Variants in HDAC5 observed in about 807,000 individuals in gnomAD.
HDAC5 encodes antigen NY-CO-9.
In HDAC5, 25 loss-of-function variants were observed where a neutral mutation model predicts 133.3. The observed-to-expected ratio is 0.19, with a 90% CI of 0.14 to 0.26. The LOEUF (loss-of-function observed/expected upper bound fraction) is 0.26, where lower values mean the gene tolerates loss of function less well. HDAC5 is among the 10% of genes least tolerant of loss of function. The pLI is 1.00. For synonymous variants in HDAC5, 589 were observed against 610.8 expected, an observed-to-expected ratio of 0.96 and a Z score of 0.53; for missense variants, 1,041 against 1,460.5, an observed-to-expected ratio of 0.71 and a Z score of 4.68.
Position 44,084,626 on chromosome 17 carries a change from G to C in HDAC5, c.2234C>G (p.Ser745Cys), listed in dbSNP as rs573120971. 1 of 1,614,140 alleles carries C rather than the reference G, an allele frequency of 6.2e-7. No individual in the cohort carries two copies. The highest frequency in any genetic ancestry group is 8.5e-7 in the Non-Finnish European group (1 of 1,180,004). Reference sequence around the variant, plus strand: ...CCCATAGAGCAGGGTGTGGTATTCAGAGTGCACTGTCTGGATCTCATCTAG... The same window carrying C: ...CCCATAGAGCAGGGTGTGGTATTCACAGTGCACTGTCTGGATCTCATCTAG... ...ATLDEIQTVH[S>C]EYHTLLYGTS... The change falls in exon 16 of 27, where the codon TCT (serine) becomes TGT (cysteine). Residue 745 changes from serine to cysteine, a missense_variant. By Grantham distance (112) the Ser-to-Cys change is moderately radical. Coordinates refer to ENST00000682912, the MANE Select transcript of HDAC5 (RefSeq NM_005474.5).
chr17:44,116,733 C>T (rs1011366536), intron 2 of HDAC5, among the ~76,000 whole-genome samples: 3 of 152,120 alleles, frequency 2.0e-5, no homozygotes, highest in African/African-American at 7.2e-5. Flanking sequence ...GAGGGTCCAG[C>T]TCAGGCCACT....
intron 1 of HDAC5, among the ~76,000 whole-genome samples, chr17:44,118,422 T>G (rs1039926419): frequency 5.9e-5 from 9 of 152,202 alleles, no homozygotes; most frequent in South Asian, 2.1e-4. Context: ...AAATCCAGCC[T>G]GTGCCCTGCC....
At chr17:44,106,494 G>C (rs565518601) in intron 3 of HDAC5, among the ~76,000 whole-genome samples, 1 of 152,252 alleles carries the variant, frequency 6.6e-6, no homozygotes, top group East Asian at 1.9e-4. Context: ...AGTTGGGGCT[G>C]ACATCTAGCC....
rs753995222 is a variant in HDAC5, at chr17:44,110,796, C to T, written c.27G>A (p.Gly9=). 9 of 1,613,276 alleles carry T rather than the reference C, an allele frequency of 5.6e-6. No individual in the cohort carries two copies. Among genetic ancestry groups the T allele is most frequent in the Non-Finnish European group, 6.8e-6 (8 of 1,179,584 alleles). The change falls in exon 3 of 27, where the codon GGG becomes GGA. Residue 9 remains glycine, a synonymous_variant. Transcript: ENST00000682912. The stretch of plus-strand genomic sequence containing the variant: ...CCAAGGATGGTTCCCGACCTGACAT[C>T]CCATCTGCTGAGAAACAGGATTCTG... MNSPNESD[G]MSGREPSLEI... is the part of the protein sequence containing the mutation.
intron 18 of HDAC5, 121 bp from the exon 19 acceptor site, chr17:44,082,941 A>C: frequency 3.7e-6 from 3 of 804,294 alleles, no homozygotes; most frequent in African/African-American, 1.7e-5. Flanking sequence ...AAGCAGATCC[A>C]TATGTTTAAT....
rs552559992 is a variant in HDAC5, at chr17:44,078,191, G to A, written c.*185C>T. ...AAGACACCACCACCCCCTGCAGAGG[G>A]AGCAGGCTTCTAGAGCTGAGGTGGA... On this transcript the variant is annotated 3_prime_UTR_variant, in exon 27 of 27. Coordinates refer to ENST00000682912, the MANE Select transcript of HDAC5 (RefSeq NM_005474.5). 4.0e-4 allele frequency: 216 copies of A among 541,406 alleles called. No individual in the cohort carries two copies. Among genetic ancestry groups the A allele is most frequent in the Non-Finnish European group, 5.4e-4 (170 of 316,386 alleles). The allele number at this position is 541,406 out of a possible 1,614,324, so 33.5% of individuals were successfully genotyped here. A position where few individuals can be genotyped will look rare whatever the true frequency, so the allele number is the denominator to read the frequency against.
chr17:44,079,072 A>C, intron 24 of HDAC5, 72 bp downstream of exon 24: 1 of 1,575,096 alleles, frequency 6.3e-7, no homozygotes, highest in Non-Finnish European at 8.6e-7. Context: ...AGGGGCTCCC[A>C]GTGCTGGCTG....
At chr17:44,103,080 A>T (rs943415362) in intron 3 of HDAC5, among the ~76,000 whole-genome samples, 7 of 152,090 alleles carry the variant, frequency 4.6e-5, no homozygotes, top group Non-Finnish European at 8.8e-5. Context: ...GGGAGACAGC[A>T]GCTTCTAATT....
Position 44,080,138 on chromosome 17 carries a change from A to C in HDAC5, c.2913T>G (p.Ser971=), listed in dbSNP as rs2050323348. 2 of 1,613,940 alleles carry C rather than the reference A, an allele frequency of 1.2e-6. No individual in the cohort carries two copies. Among genetic ancestry groups the C allele is most frequent in the Admixed American group, 1.7e-5 (1 of 60,018 alleles). ...AGFDAVEGHL[S]PLGGYSVTAR... ...CGGTGACAGAGTAGCCACCCAGAGGAGACAGATGTCCTTCAACAGCATCAA... is the reference window on the plus strand; with the variant it reads ...CGGTGACAGAGTAGCCACCCAGAGGCGACAGATGTCCTTCAACAGCATCAA... Residue 971 remains serine (S), a synonymous_variant, in exon 23 of 27, where the codon TCT becomes TCG. Coordinates refer to ENST00000682912, the MANE Select transcript of HDAC5 (RefSeq NM_005474.5).
intron 3 of HDAC5, among the ~76,000 whole-genome samples, chr17:44,104,734 G>A (rs2051827716): frequency 6.6e-6 from 1 of 152,130 alleles, no homozygotes; most frequent in South Asian, 2.1e-4. Flanking sequence ...ACAAGTTTTG[G>A]GCCTTGCTCT....
chr17:44,096,753 G>A (rs904116698), intron 3 of HDAC5, among the ~76,000 whole-genome samples: 1 of 151,136 alleles, frequency 6.6e-6, no homozygotes, highest in African/African-American at 2.4e-5. Flanking sequence ...TGGGATTACA[G>A]GCATGAGCCA....
intron 24 of HDAC5, 86 bp from the exon 25 acceptor site, chr17:44,078,965 T>C (rs1216216667): frequency 7.9e-6 from 12 of 1,528,548 alleles, no homozygotes; most frequent in Non-Finnish European, 1.1e-5. Flanking sequence ...GCCCCAGATA[T>C]CCCTCACAAC....
rs567669592 is a variant in HDAC5, at chr17:44,114,215, G to A, written c.22+3279C>T. Reference sequence around the variant, plus strand: ...GGAGAAGCAGGTCCCGCTCTGCAGTGAGCACAGAGGTGTGCCAGGGGGCAT... The same window carrying A: ...GGAGAAGCAGGTCCCGCTCTGCAGTAAGCACAGAGGTGTGCCAGGGGGCAT... On this transcript the variant is annotated intron_variant, in intron 2 of 26. Transcript: ENST00000682912. 8.9e-4 allele frequency among the ~76,000 whole-genome samples: 136 copies of A among 152,374 alleles called. 1 individual carries two copies. Among genetic ancestry groups the A allele is most frequent in the Admixed American group, 1.4e-3 (21 of 15,310 alleles).
At chr17:44,082,460 C>G (rs1807937173) in intron 20 of HDAC5, 125 bp downstream of exon 20, 2 of 727,854 alleles carry the variant, frequency 2.7e-6, no homozygotes, top group Non-Finnish European at 4.7e-6. Flanking sequence ...GCACCCACAC[C>G]CAGCACCCGA....
intron 3 of HDAC5, 130 bp from the exon 4 acceptor site, chr17:44,093,964 C>T: frequency 5.9e-6 from 7 of 1,191,972 alleles, no homozygotes; most frequent in Non-Finnish European, 6.6e-6. Context: ...GAAGTCAAAT[C>T]CCTCTGCTCC....
chr17:44,117,434 C>T lies in HDAC5; in HGVS notation c.22+60G>A. 6.3e-7 allele frequency: 1 copy of T among 1,579,952 alleles called. No homozygotes were observed. Among genetic ancestry groups the T allele is most frequent in the Non-Finnish European group, 8.7e-7 (1 of 1,148,914 alleles). ...TCAGCTGGCCTGGAAGGGAAACCCACACAGCCCATTGCATCCGAAGCTACC... is the reference window on the plus strand; with the variant it reads ...TCAGCTGGCCTGGAAGGGAAACCCATACAGCCCATTGCATCCGAAGCTACC... On this transcript the variant is annotated intron_variant, in intron 2 of 26. Coordinates refer to ENST00000682912, the MANE Select transcript of HDAC5 (RefSeq NM_005474.5). The surrounding 1 kb of genome is among the most constrained non-coding windows in gnomAD (Gnocchi z 4.2).
chr17:44,096,138 C>A (rs1426695767), intron 3 of HDAC5, among the ~76,000 whole-genome samples: 2 of 152,164 alleles, frequency 1.3e-5, no homozygotes, highest in Non-Finnish European at 2.9e-5. Flanking sequence ...CCAAGCCCCA[C>A]AAAGTCTCCA....
chr17:44,099,142 A>C (rs1045208733), intron 3 of HDAC5, among the ~76,000 whole-genome samples: 5 of 152,068 alleles, frequency 3.3e-5, no homozygotes, highest in Admixed American at 2.0e-4. Context: ...AAAAGAAAAG[A>C]AAGCCAGGGA....
Position 44,084,571 on chromosome 17 carries a change from G to A in HDAC5, c.2289C>T (p.Asp763=). 1.2e-6 allele frequency: 2 copies of A among 1,614,130 alleles called. No individual in the cohort carries two copies. Among genetic ancestry groups the A allele is most frequent in the Non-Finnish European group, 1.7e-6 (2 of 1,179,998 alleles). The part of the protein sequence containing the change: ...GTSPLNRQKL[D]SKKLLGPISQ... ...CCAGCTCACCGAGCAACTTCTTGCT[G>A]TCTAGCTTCTGCCGGTTGAGGGGAC... The change falls in exon 16 of 27, where the codon GAC becomes GAT. Residue 763 remains aspartate, a synonymous_variant. Transcript: ENST00000682912.
Sources: allele counts gnomAD v4.1 joint callset (sites outside exome capture counted in the v4.1 genomes callset), GRCh38; gene constraint gnomAD v4.1.1; non-coding constraint Gnocchi (gnomAD v3.1); transcripts MANE v1.5; gene names NCBI Gene and HGNC (gene_info 2026-07-23, HGNC 2026-07-21).